Variants in KCNMB2 observed in about 807,000 individuals in gnomAD.
The protein encoded by KCNMB2 is potassium calcium-activated channel subfamily M regulatory beta subunit 2.
KCNMB2 carries 9 observed loss-of-function variants against 24.5 expected under a neutral mutation model. The observed-to-expected ratio is 0.37, with a 90% CI of 0.22 to 0.64. KCNMB2 has a LOEUF of 0.64. Among genes scored for constraint, KCNMB2 ranks in the 30% least tolerant of loss-of-function variants. The pLI is 0.63. For missense variants in KCNMB2, 226 were observed against 284.3 expected (o/e 0.79, Z 1.47); for synonymous variants, 109 against 104.4 (o/e 1.04, Z -0.27).
chr3:178,712,808 G>A (rs1360559647), intron 1 of KCNMB2, among the ~76,000 whole-genome samples: 2 of 152,050 alleles, frequency 1.3e-5, no homozygotes, highest in Non-Finnish European at 2.9e-5. Context: ...AGTTTTGAGT[G>A]GTATTTTATA....
At chr3:178,798,768 T>A (rs555198132) in intron 1 of KCNMB2, among the ~76,000 whole-genome samples, 34 of 151,948 alleles carry the variant, frequency 2.2e-4, no homozygotes, top group Admixed American at 4.6e-4. Flanking sequence ...AAATAGATAA[T>A]GCATGCTGGG....
intron 1 of KCNMB2, among the ~76,000 whole-genome samples, chr3:178,639,750 T>A (rs1046839927): frequency 6.6e-6 from 1 of 152,194 alleles, no homozygotes; most frequent in East Asian, 1.9e-4. Context: ...GAAATTTTTT[T>A]AAAAATGGGA....
intron 1 of KCNMB2, among the ~76,000 whole-genome samples, chr3:178,634,828 A>G (rs1719456531): frequency 6.6e-6 from 1 of 152,142 alleles, no homozygotes; most frequent in Admixed American, 6.5e-5. Context: ...GAAGGCCTCT[A>G]TAACTGTATA....
chr3:178,614,696 T>C (rs1051341834), intron 1 of KCNMB2, among the ~76,000 whole-genome samples: 3 of 152,186 alleles, frequency 2.0e-5, no homozygotes, highest in African/African-American at 7.2e-5. Flanking sequence ...TGGAATTTCT[T>C]TGAGTTTCCT....
intron 1 of KCNMB2, among the ~76,000 whole-genome samples, chr3:178,548,192 TG>T (rs1194970020): frequency 6.6e-6 from 1 of 152,198 alleles, no homozygotes; most frequent in East Asian, 1.9e-4. Context: ...TGGGGAGCTT[TG>T]TAAAAACATC....
intron 1 of KCNMB2, among the ~76,000 whole-genome samples, chr3:178,802,430 G>A (rs376988638): frequency 9.9e-5 from 15 of 152,208 alleles, no homozygotes; most frequent in South Asian, 6.2e-4. Flanking sequence ...TCCCTGCCCC[G>A]TATCTCACTT....
At chr3:178,713,693 C>T (rs1722525945) in intron 1 of KCNMB2, among the ~76,000 whole-genome samples, 1 of 152,162 alleles carries the variant, frequency 6.6e-6, no homozygotes, top group Non-Finnish European at 1.5e-5. Flanking sequence ...CAAGGCTCTC[C>T]ATGGGCCCTG....
At chr3:178,811,378 A>T (rs1553780462) in intron 2 of KCNMB2, among the ~76,000 whole-genome samples, 1 of 151,884 alleles carries the variant, frequency 6.6e-6, no homozygotes, top group Non-Finnish European at 1.5e-5. Context: ...TCATTCCCCG[A>T]TTTTTTTTCA....
At chr3:178,780,370 T>C (rs1020232700) in intron 1 of KCNMB2, among the ~76,000 whole-genome samples, 1 of 152,218 alleles carries the variant, frequency 6.6e-6, no homozygotes, top group Non-Finnish European at 1.5e-5. Flanking sequence ...TGAATGTCTA[T>C]TGCATTTCTG....
chr3:178,832,792 G>C lies in KCNMB2; in HGVS notation c.423+4419G>C, dbSNP rs1164306809. On this transcript the variant is annotated intron_variant, in intron 4 of 4. Coordinates refer to ENST00000452583, the MANE Select transcript of KCNMB2 (RefSeq NM_181361.3). ...ACTGAGTCTTGTTTTATCATTTCTA[G>C]TTCTCTGCAATATTTTAATTATTGT... 2.5e-5 allele frequency among the ~76,000 whole-genome samples: 2 copies of C among 80,456 alleles called. 1 individual carries two copies. Among genetic ancestry groups the C allele is most frequent in the Non-Finnish European group, 4.6e-5 (2 of 43,452 alleles). 52.8% of individuals were successfully genotyped at this position (80,456 alleles called of 152,430 possible).
At chr3:178,688,901 A>G (rs970586210) in intron 1 of KCNMB2, among the ~76,000 whole-genome samples, 1 of 152,202 alleles carries the variant, frequency 6.6e-6, no homozygotes, top group African/African-American at 2.4e-5. Context: ...CTTTGTTATC[A>G]GTATTTATTT....
intron 1 of KCNMB2, among the ~76,000 whole-genome samples, chr3:178,697,915 G>A (rs1327909351): frequency 3.3e-5 from 5 of 151,462 alleles, no homozygotes; most frequent in Non-Finnish European, 7.4e-5. Flanking sequence ...TTTTAAGAAT[G>A]TTGAATATTG....
At chr3:178,711,232 C>T (rs755876717) in intron 1 of KCNMB2, among the ~76,000 whole-genome samples, 1 of 152,104 alleles carries the variant, frequency 6.6e-6, no homozygotes, top group South Asian at 2.1e-4. Flanking sequence ...TACCACCATG[C>T]CATACTGCAT....
chr3:178,811,557 A>G (rs533816691), intron 2 of KCNMB2, among the ~76,000 whole-genome samples: 1 of 152,308 alleles, frequency 6.6e-6, no homozygotes, highest in Non-Finnish European at 1.5e-5. Flanking sequence ...AGTTCATTTT[A>G]TCTGCTATGT....
intron 1 of KCNMB2, among the ~76,000 whole-genome samples, chr3:178,616,272 CT>C: frequency 6.6e-6 from 1 of 152,340 alleles, no homozygotes; most frequent in East Asian, 1.9e-4. Flanking sequence ...ACGTCCTAGA[CT>C]TCCTTTCAAG....
chr3:178,713,340 T>C (rs1472453414), intron 1 of KCNMB2, among the ~76,000 whole-genome samples: 1 of 152,204 alleles, frequency 6.6e-6, no homozygotes, highest in East Asian at 1.9e-4. Context: ...CACTGTTAAT[T>C]ACAAAACAAA....
chr3:178,677,638 A>G (rs1052318185), intron 1 of KCNMB2, among the ~76,000 whole-genome samples: 7 of 152,232 alleles, frequency 4.6e-5, no homozygotes, highest in African/African-American at 1.7e-4. Context: ...AAAGAGAACC[A>G]GATGTCAACT....
chr3:178,636,246 G>A (rs1193136190), intron 1 of KCNMB2, among the ~76,000 whole-genome samples: 3 of 152,104 alleles, frequency 2.0e-5, no homozygotes, highest in Non-Finnish European at 2.9e-5. Context: ...TAGGAACTTG[G>A]GTGGAAGAAT....
intron 1 of KCNMB2, among the ~76,000 whole-genome samples, chr3:178,646,198 T>C (rs577757169): frequency 3.3e-5 from 5 of 152,156 alleles, no homozygotes; most frequent in Non-Finnish European, 7.4e-5. Flanking sequence ...CCTGGAGAGA[T>C]AGTTTGAAGA....
Sources: gnomAD v4.1 joint callset for allele counts (sites outside exome capture counted in the v4.1 genomes callset) on GRCh38, gnomAD v4.1.1 for gene constraint, MANE v1.5 for transcripts, NCBI Gene and HGNC (gene_info 2026-07-23, HGNC 2026-07-21) for gene names.